ASIC2: variants seen among roughly 807,000 people sequenced by gnomAD.
The protein encoded by ASIC2 is acid-sensing ion channel 2.
Under a neutral mutation model 57.3 loss-of-function variants are expected in ASIC2, and 25 were observed. The ratio of observed to expected loss-of-function variants is 0.44; its 90% CI spans 0.32 to 0.61. The LOEUF is 0.61. ASIC2 is among the 20% of genes least tolerant of loss of function. ASIC2 has a pLI of 0.06. For synonymous variants in ASIC2, 319 were observed against 307.5 expected, an observed-to-expected ratio of 1.04 and a Z score of -0.39; for missense variants, 641 against 738.1, an observed-to-expected ratio of 0.87 and a Z score of 1.52.
chr17:33,455,418 A>C (rs1248395070), intron 1 of ASIC2, among the ~76,000 whole-genome samples: 1 of 152,172 alleles, frequency 6.6e-6, no homozygotes, highest in African/African-American at 2.4e-5. Flanking sequence ...TTTAGCTCCC[A>C]CTTATAAAGG....
intron 1 of ASIC2, among the ~76,000 whole-genome samples, chr17:33,784,197 C>T (rs1000729859): frequency 2.6e-5 from 4 of 152,234 alleles, no homozygotes; most frequent in Admixed American, 2.6e-4. Context: ...TCTCATCATA[C>T]CCAGTCCTGT....
At chr17:33,951,059 A>G (rs1904547329) in intron 1 of ASIC2, among the ~76,000 whole-genome samples, 3 of 152,216 alleles carry the variant, frequency 2.0e-5, no homozygotes, top group Non-Finnish European at 4.4e-5. Context: ...CTTATTAGTC[A>G]ATTAATCTCT....
At chr17:33,640,103 G>A (rs1383905462) in intron 1 of ASIC2, among the ~76,000 whole-genome samples, 2 of 152,088 alleles carry the variant, frequency 1.3e-5, no homozygotes, top group African/African-American at 4.8e-5. Context: ...ATTCGGGTAG[G>A]GGATGCAATG....
chr17:33,669,051 C>G (rs1297359511), intron 1 of ASIC2, among the ~76,000 whole-genome samples: 1 of 152,184 alleles, frequency 6.6e-6, no homozygotes, highest in East Asian at 1.9e-4. Context: ...GCCCTGCATC[C>G]TCCATCTCTG....
chr17:33,104,440 A>G (rs1165656834), intron 2 of ASIC2, among the ~76,000 whole-genome samples: 1 of 152,204 alleles, frequency 6.6e-6, no homozygotes, highest in Non-Finnish European at 1.5e-5. Context: ...TTTAATCCCA[A>G]TGACATCTGC....
chr17:33,365,912 C>A (rs567852365), intron 1 of ASIC2, among the ~76,000 whole-genome samples: 14 of 152,134 alleles, frequency 9.2e-5, no homozygotes, highest in Non-Finnish European at 7.4e-5. Flanking sequence ...CCTAGAGGGG[C>A]CCCAAATAAC....
chr17:33,228,505 G>T (rs1907968078), intron 1 of ASIC2, among the ~76,000 whole-genome samples: 1 of 152,250 alleles, frequency 6.6e-6, no homozygotes. Flanking sequence ...CGTCCATGTG[G>T]TGTGAGTGCG....
chr17:33,548,230 T>C (rs867484469), intron 1 of ASIC2, among the ~76,000 whole-genome samples: 1 of 152,322 alleles, frequency 6.6e-6, no homozygotes, highest in Middle Eastern at 3.4e-3. Flanking sequence ...GGTGCTTTCA[T>C]TGGATTATTA....
chr17:33,984,098 G>A (rs1274183240), intron 1 of ASIC2: 1 of 152,310 alleles, frequency 6.6e-6, no homozygotes, highest in Non-Finnish European at 1.5e-5. Context: ...CAAATGCACA[G>A]CCTTCCTTCC....
At chr17:33,995,565 A>G (rs1906131455) in intron 1 of ASIC2, among the ~76,000 whole-genome samples, 1 of 152,076 alleles carries the variant, frequency 6.6e-6, no homozygotes, top group African/African-American at 2.4e-5. Context: ...GAAAAATTGT[A>G]TATATTCCCG....
At chr17:33,271,723 G>A (rs1017263404) in intron 1 of ASIC2, among the ~76,000 whole-genome samples, 6 of 152,158 alleles carry the variant, frequency 3.9e-5, no homozygotes, top group African/African-American at 1.2e-4. Flanking sequence ...CTCAAGTATT[G>A]CATCTGCTTC....
intron 1 of ASIC2, among the ~76,000 whole-genome samples, chr17:33,950,532 G>A (rs561263341): frequency 6.6e-6 from 1 of 152,356 alleles, no homozygotes; most frequent in Non-Finnish European, 1.5e-5. Context: ...AAGGGAAGGT[G>A]GGGTTGGGAG....
At chr17:33,151,500 G>A (rs1049581971) in intron 1 of ASIC2, among the ~76,000 whole-genome samples, 1 of 152,186 alleles carries the variant, frequency 6.6e-6, no homozygotes, top group Admixed American at 6.5e-5. Context: ...TCCTTGTGAC[G>A]GTTTGAATGT....
At chr17:33,817,790 A>T (rs147981375) in intron 1 of ASIC2, among the ~76,000 whole-genome samples, 2 of 152,292 alleles carry the variant, frequency 1.3e-5, no homozygotes, top group Non-Finnish European at 2.9e-5. Flanking sequence ...CAGCAGGGAC[A>T]GCTCATTTTT....
At chr17:33,663,095 T>C (rs1315383203) in intron 1 of ASIC2, among the ~76,000 whole-genome samples, 6 of 152,110 alleles carry the variant, frequency 3.9e-5, no homozygotes, top group Non-Finnish European at 7.4e-5. Flanking sequence ...ACGAGAGACA[T>C]CAGTCACTCA....
At chr17:33,825,539 C>T (rs1355706410) in intron 1 of ASIC2, among the ~76,000 whole-genome samples, 1 of 152,198 alleles carries the variant, frequency 6.6e-6, no homozygotes, top group Non-Finnish European at 1.5e-5. Context: ...GCATTTCTAG[C>T]CTGCACCTAA....
chr17:33,074,545 G>C (rs1192648314), intron 3 of ASIC2, among the ~76,000 whole-genome samples: 1 of 152,144 alleles, frequency 6.6e-6, no homozygotes, highest in African/African-American at 2.4e-5. Context: ...TCCATGTCTA[G>C]GTTCCTCTAT....
At chr17:33,022,310 T>A (rs918266692) in intron 6 of ASIC2, among the ~76,000 whole-genome samples, 2 of 152,126 alleles carry the variant, frequency 1.3e-5, no homozygotes, top group African/African-American at 4.8e-5. Flanking sequence ...ACAGTTCCAC[T>A]CCCCAGTCAC....
intron 1 of ASIC2, among the ~76,000 whole-genome samples, chr17:33,128,610 G>T (rs2142004234): frequency 6.6e-6 from 1 of 152,324 alleles, no homozygotes; most frequent in African/African-American, 2.4e-5. Context: ...TGGAGTGGGG[G>T]TGGCCCTTCA....
Sources: allele counts gnomAD v4.1 joint callset (sites outside exome capture counted in the v4.1 genomes callset), GRCh38; gene constraint gnomAD v4.1.1; transcripts MANE v1.5; gene names NCBI Gene and HGNC (gene_info 2026-07-23, HGNC 2026-07-21).